ALPK3: variants seen among roughly 807,000 people sequenced by gnomAD.
ALPK3 encodes alpha kinase 3.
ALPK3 carries 102 observed loss-of-function variants against 140.0 expected under a neutral mutation model. The observed-to-expected ratio is 0.73, with a 90% CI of 0.62 to 0.86. The LOEUF (loss-of-function observed/expected upper bound fraction) is 0.86, where lower values mean the gene tolerates loss of function less well. ALPK3 is among the 40% of genes least tolerant of loss of function. The probability of loss-of-function intolerance (pLI) is 0.00; values close to 1 mark genes in which losing one functional copy is unlikely to be tolerated. For missense variants in ALPK3, 2,254 were observed against 2,208.2 expected, an observed-to-expected ratio of 1.02 and a Z score of -0.42; for synonymous variants, 938 against 898.5, an observed-to-expected ratio of 1.04 and a Z score of -0.79.
Position 84,857,972 on chromosome 15 carries a change from G to C in ALPK3, c.3234G>C (p.Glu1078Asp). 6.2e-7 allele frequency: 1 copy of C among 1,606,934 alleles called. No homozygotes were observed. Among genetic ancestry groups the C allele is most frequent in the Non-Finnish European group, 8.5e-7 (1 of 1,177,058 alleles). The stretch of plus-strand genomic sequence containing the variant: ...CTGTCCCTGCCATTGTGGTAGACGA[G>C]GAGGACCCTGGGCTGGCCTCAGAAG... ...SLTVPAIVVD[E>D]EDPGLASEGA... Residue 1078 changes from glutamate to aspartate, a missense_variant, in exon 6 of 14, where the codon GAG becomes GAC. Physicochemically the swap from Glu to Asp is conservative, Grantham distance 45. Coordinates refer to ENST00000258888, the MANE Select transcript of ALPK3 (RefSeq NM_020778.5).
intron 5 of ALPK3, among the ~76,000 whole-genome samples, chr15:84,853,600 C>T (rs926050508): frequency 2.6e-5 from 4 of 151,988 alleles, no homozygotes; most frequent in African/African-American, 4.8e-5. Context: ...GGTGACAGAG[C>T]GAGACTCCGT....
intron 3 of ALPK3, among the ~76,000 whole-genome samples, chr15:84,830,478 T>G (rs1026842508): frequency 1.3e-5 from 2 of 152,180 alleles, no homozygotes; most frequent in Admixed American, 1.3e-4. Flanking sequence ...CTCCCTTGAG[T>G]CCCTCTGGTC....
At chr15:84,839,201 C>A in intron 4 of ALPK3, 104 bp downstream of exon 4, 1 of 956,206 alleles carries the variant, frequency 1.0e-6, no homozygotes, top group Non-Finnish European at 1.6e-6. Context: ...TGCCCAGGCA[C>A]TCTCTGGGGA....
At chr15:84,821,637 CA>C (rs1388398144) in intron 1 of ALPK3, among the ~76,000 whole-genome samples, 1 of 152,104 alleles carries the variant, frequency 6.6e-6, no homozygotes, top group African/African-American at 2.4e-5. Flanking sequence ...CTCTCGGGGG[CA>C]GCACCCTTCC....
At chr15:84,853,927 T>C (rs1379045026) in intron 5 of ALPK3, among the ~76,000 whole-genome samples, 1 of 152,190 alleles carries the variant, frequency 6.6e-6, no homozygotes, top group African/African-American at 2.4e-5. Context: ...GGTGGGAGCA[T>C]TGCTTGAGGC....
At chr15:84,866,839 T>C (rs1342498869) in intron 12 of ALPK3, among the ~76,000 whole-genome samples, 1 of 152,166 alleles carries the variant, frequency 6.6e-6, no homozygotes, top group East Asian at 1.9e-4. Context: ...AGGTTTTAGC[T>C]CAAAGCTAGA....
At chr15:84,845,616 C>G (rs1301016596) in intron 5 of ALPK3, among the ~76,000 whole-genome samples, 7 of 152,166 alleles carry the variant, frequency 4.6e-5, no homozygotes, top group Admixed American at 3.9e-4. Flanking sequence ...CCAGATTGTT[C>G]CTGCATGGAT....
At chr15:84,821,609 T>C (rs1193366975) in intron 1 of ALPK3, among the ~76,000 whole-genome samples, 2 of 152,056 alleles carry the variant, frequency 1.3e-5, no homozygotes, top group African/African-American at 2.4e-5. Flanking sequence ...TTTCCATCTT[T>C]TCTGGAGCAG....
At chr15:84,846,063 G>A (rs936532617) in intron 5 of ALPK3, among the ~76,000 whole-genome samples, 6 of 151,822 alleles carry the variant, frequency 4.0e-5, no homozygotes, top group African/African-American at 7.3e-5. Flanking sequence ...GTAAAGCTTC[G>A]TCTCAAAAAT....
chr15:84,828,296 G>A (rs1040626259), intron 3 of ALPK3, among the ~76,000 whole-genome samples: 5 of 152,136 alleles, frequency 3.3e-5, no homozygotes, highest in East Asian at 1.9e-4. Context: ...TGAAGCAACC[G>A]TTTGGCAGAA....
intron 9 of ALPK3, 34 bp downstream of exon 9, chr15:84,860,106 C>T (rs1963925571): frequency 6.2e-7 from 1 of 1,611,916 alleles, no homozygotes; most frequent in Non-Finnish European, 8.5e-7. Flanking sequence ...CGGGGTGGTC[C>T]TACCCCTGCC....
intron 9 of ALPK3, among the ~76,000 whole-genome samples, chr15:84,861,441 T>C (rs1644776131): frequency 6.6e-6 from 1 of 152,344 alleles, no homozygotes; most frequent in Admixed American, 6.5e-5. Context: ...AGGCACATAC[T>C]GTCAGATTGT....
In ALPK3 at chr15:84,847,421, G is replaced by C. The variant is rs568328295; in HGVS notation, c.1653+6489G>C. ...TTCAAAATTTGGCAAAAGTCAAGAA[G>C]TTCAGCAAACCCTAAACAGGAAAAG... On this transcript the variant is annotated intron_variant, in intron 5 of 13. Coordinates refer to ENST00000258888, the MANE Select transcript of ALPK3 (RefSeq NM_020778.5). 1.5e-3 allele frequency among the ~76,000 whole-genome samples: 228 copies of C among 152,236 alleles called. 1 individual carries two copies. Among genetic ancestry groups the C allele is most frequent in the African/African-American group, 5.2e-3 (218 of 41,542 alleles).
At position 84,872,218 on chromosome 15, in the gene ALPK3, G is replaced by A. The variant is rs1964081447; in HGVS notation, c.*3762G>A. Reference sequence around the variant, plus strand: ...AGTGTTCAGGCTCTCCCAGAGCCCAGTGGTGAGCCAGAAGGGCATTTTGTA... The same window carrying A: ...AGTGTTCAGGCTCTCCCAGAGCCCAATGGTGAGCCAGAAGGGCATTTTGTA... On this transcript the variant is annotated 3_prime_UTR_variant, in exon 14 of 14. Transcript: ENST00000258888. The A allele has an allele frequency of 6.6e-6, 1 of 152,276 alleles. No homozygotes were observed. The highest frequency in any genetic ancestry group is 6.5e-5 in the Admixed American group (1 of 15,292). The allele number at this position is 152,276 out of a possible 1,614,324, so 9.4% of individuals were successfully genotyped here.
At chr15:84,834,043 G>A (rs1423177343) in intron 3 of ALPK3, among the ~76,000 whole-genome samples, 1 of 151,976 alleles carries the variant, frequency 6.6e-6, no homozygotes, top group East Asian at 1.9e-4. Flanking sequence ...CATCAACAGT[G>A]GGCAAGTTGC....
intron 1 of ALPK3, among the ~76,000 whole-genome samples, chr15:84,820,237 G>A (rs928980266): frequency 1.3e-5 from 2 of 152,156 alleles, no homozygotes; most frequent in African/African-American, 4.8e-5. Context: ...TGGTCCAGGT[G>A]GGCTCAGAGA....
intron 11 of ALPK3, 79 bp downstream of exon 11, chr15:84,863,719 T>A: frequency 7.2e-7 from 1 of 1,394,776 alleles, no homozygotes; most frequent in South Asian, 1.3e-5. Flanking sequence ...TTTCACAGCC[T>A]CCCAGGGGCA....
At chr15:84,864,968 A>C (rs149149761) in intron 12 of ALPK3, among the ~76,000 whole-genome samples, 59 of 152,284 alleles carry the variant, frequency 3.9e-4, no homozygotes, top group African/African-American at 1.4e-3. Flanking sequence ...TTCAAAACCC[A>C]CAACCACCCT....
intron 12 of ALPK3, 96 bp downstream of exon 12, chr15:84,864,761 G>C: frequency 2.4e-6 from 3 of 1,273,286 alleles, no homozygotes; most frequent in Non-Finnish European, 3.3e-6. Flanking sequence ...CGTTTACAAA[G>C]CACCTTTGTC....
Sources: gnomAD v4.1 joint callset for allele counts (sites outside exome capture counted in the v4.1 genomes callset) on GRCh38, gnomAD v4.1.1 for gene constraint, MANE v1.5 for transcripts, NCBI Gene and HGNC (gene_info 2026-07-23, HGNC 2026-07-21) for gene names.